Variants in ANKMY1 observed in about 807,000 individuals in gnomAD.
The protein encoded by ANKMY1 is ankyrin repeat and MYND domain-containing protein 1.
In ANKMY1, 98 loss-of-function variants were observed where a neutral mutation model predicts 102.0. The ratio of observed to expected loss-of-function variants is 0.96; its 90% CI spans 0.82 to 1.14. The LOEUF (loss-of-function observed/expected upper bound fraction) is 1.14, where lower values mean the gene tolerates loss of function less well. Ranked by LOEUF, ANKMY1 falls within the 50% of genes most tolerant of loss-of-function variation. The pLI, the probability that ANKMY1 is intolerant of heterozygous loss-of-function variation, is 0.00. For synonymous variants in ANKMY1, 582 were observed against 559.9 expected (o/e 1.04, Z -0.56); for missense variants, 1,330 against 1,347.6 (o/e 0.99, Z 0.20).
At chr2:240,494,759 G>A (rs2077034635) in intron 15 of ANKMY1, among the ~76,000 whole-genome samples, 1 of 152,066 alleles carries the variant, frequency 6.6e-6, no homozygotes. Context: ...AGGGTCAAGG[G>A]GTTGTCTTGC....
chr2:240,508,268 T>C (rs911529974), intron 12 of ANKMY1, among the ~76,000 whole-genome samples: 1 of 152,252 alleles, frequency 6.6e-6, no homozygotes, highest in Admixed American at 6.5e-5. Context: ...CACAAGCTTC[T>C]GCCCCTCAGA....
At chr2:240,542,967 T>C (rs944346634) in intron 4 of ANKMY1, among the ~76,000 whole-genome samples, 6 of 151,074 alleles carry the variant, frequency 4.0e-5, no homozygotes, top group African/African-American at 1.5e-4. Context: ...TAATTAATAA[T>C]TAGTTAAGTA....
chr2:240,515,778 C>T (rs1030137615), intron 9 of ANKMY1, among the ~76,000 whole-genome samples: 3 of 151,918 alleles, frequency 2.0e-5, no homozygotes, highest in Non-Finnish European at 2.9e-5. Flanking sequence ...AGTGCAGTGG[C>T]GCGATCTCGA....
downstream of ANKMY1, chr2:240,479,365 G>C (rs1188602497): frequency 1.7e-6 from 1 of 574,580 alleles, no homozygotes; most frequent in East Asian, 2.9e-5. Flanking sequence ...GCAGAGGCAG[G>C]CACGGGCTCC....
intron 4 of ANKMY1, among the ~76,000 whole-genome samples, chr2:240,540,438 G>A (rs1186155081): frequency 6.6e-6 from 1 of 152,098 alleles, no homozygotes; most frequent in Non-Finnish European, 1.5e-5. Context: ...TTTGTTTTAT[G>A]TGCTTCTTTC....
the ANKMY1 span, among the ~76,000 whole-genome samples, chr2:240,473,073 G>A: frequency 1.4e-5 from 2 of 144,748 alleles, no homozygotes; most frequent in Non-Finnish European, 3.0e-5. Context: ...GCAGTGAGCT[G>A]AGATTGTGCC....
At position 240,523,863 on chromosome 2, in the gene ANKMY1, A is replaced by C. The variant is rs2082813296; in HGVS notation, c.1832+22T>G. ...GCCCTGATGGTGGCCCTCCACCCCC[A>C]CCAGCTGGTGCCAGGACCTACTCGA... On this transcript the variant is annotated intron_variant, in intron 8 of 17. Coordinates refer to ENST00000401804, the MANE Select transcript of ANKMY1 (RefSeq NM_001282771.3). 5 of 1,603,328 alleles carry C rather than the reference A, an allele frequency of 3.1e-6. No homozygotes were observed. In the East Asian group the frequency reaches 1.1e-4, roughly 36 times the overall value.
chr2:240,482,282 C>T (rs2075495081), intron 15 of ANKMY1, 21 bp from the exon 16 acceptor site: 4 of 1,601,076 alleles, frequency 2.5e-6, no homozygotes, highest in Non-Finnish European at 3.4e-6. Flanking sequence ...GAGGGTCCCG[C>T]ATTAGTACCC....
At position 240,509,409 on chromosome 2, in the gene ANKMY1, G is replaced by C; in HGVS notation, c.2333C>G (p.Pro778Arg). The C allele has an allele frequency of 6.2e-7, 1 of 1,613,830 alleles. No individual in the cohort carries two copies. Among genetic ancestry groups the C allele is most frequent in the African/African-American group, 1.3e-5 (1 of 75,016 alleles). ...VRLLLSHGAN[P>R]NLLWSGHSPL... Reference sequence around the variant, plus strand: ...GGAGTGGCCACTCCACAGCAGGTTAGGATTTGCTCCGTGGGATAGAAGGAG... The same window carrying C: ...GGAGTGGCCACTCCACAGCAGGTTACGATTTGCTCCGTGGGATAGAAGGAG... The change falls in exon 12 of 18, where the codon CCT becomes CGT. Residue 778 changes from proline (P) to arginine (R), a missense_variant. By Grantham distance (103) the Pro-to-Arg change is moderately radical. Coordinates refer to ENST00000401804, the MANE Select transcript of ANKMY1 (RefSeq NM_001282771.3).
chr2:240,533,718 AACACACACACACAC>A (rs34916770), intron 4 of ANKMY1, among the ~76,000 whole-genome samples: 17 of 145,634 alleles, frequency 1.2e-4, no homozygotes, highest in South Asian at 2.2e-4. Context: ...GATTTCAATA[AACACACACACACAC>A]ACACACACAC....
intron 4 of ANKMY1, among the ~76,000 whole-genome samples, chr2:240,532,606 T>TA (rs2152451202): frequency 6.6e-6 from 1 of 152,290 alleles, no homozygotes; most frequent in Non-Finnish European, 1.5e-5. Flanking sequence ...ACTAGATAGA[T>TA]AGACATAGAT....
At position 240,482,397 on chromosome 2, in the gene ANKMY1, G is replaced by C. The variant is rs1036269051; in HGVS notation, c.2807-136C>G. The C allele has an allele frequency of 1.4e-5, 10 of 730,210 alleles. No individual in the cohort carries two copies. In the African/African-American group the frequency reaches 1.8e-4, roughly 13 times the overall value. The allele number at this position is 730,210 out of a possible 1,614,324, so 45.2% of individuals were successfully genotyped here. ...GGCGGATAGGGGGAAGCAAGCCTTT[G>C]ATGGCTCCATAGTGGGTGCGAGGAC... On this transcript the variant is annotated intron_variant, in intron 15 of 17. Coordinates refer to ENST00000401804, the MANE Select transcript of ANKMY1 (RefSeq NM_001282771.3).
chr2:240,537,053 A>G (rs1005043941), intron 4 of ANKMY1, among the ~76,000 whole-genome samples: 8 of 152,134 alleles, frequency 5.3e-5, no homozygotes, highest in Non-Finnish European at 7.3e-5. Flanking sequence ...AAAAAGAAAA[A>G]AAGAAGAAAA....
At chr2:240,525,065 A>AACTGCAAGCCACAAGATCACCACACC (rs1377737725) in intron 7 of ANKMY1, among the ~76,000 whole-genome samples, 1 of 152,254 alleles carries the variant, frequency 6.6e-6, no homozygotes, top group Non-Finnish European at 1.5e-5. Context: ...AGCACCAGAC[A>AACTGCAAGCCACAAGATCACCACACC]ACTGCAAGCC....
At chr2:240,491,840 T>C (rs1032862263) in intron 15 of ANKMY1, among the ~76,000 whole-genome samples, 2 of 152,342 alleles carry the variant, frequency 1.3e-5, no homozygotes, top group African/African-American at 4.8e-5. Context: ...CTTTTAAGAT[T>C]TTCTCTTTGA....
At chr2:240,557,039 C>T (rs2125264903) in intron 2 of ANKMY1, 151 bp downstream of exon 2, 1 of 879,126 alleles carries the variant, frequency 1.1e-6, no homozygotes, top group Non-Finnish European at 1.6e-6. Context: ...AGGTTGCTGA[C>T]ACAGTGTTGA....
upstream of ANKMY1, chr2:240,560,274 A>C (rs2125394535): frequency 6.1e-6 from 1 of 162,704 alleles, no homozygotes; most frequent in Non-Finnish European, 1.3e-5. Flanking sequence ...AACGACGCGG[A>C]CGCGAAGTGG....
At chr2:240,470,970 G>T in the ANKMY1 span, among the ~76,000 whole-genome samples, 1,347 of 152,276 alleles carry the variant, frequency 8.8e-3, 5 homozygotes, top group Non-Finnish European at 0.014. Flanking sequence ...AGAAGCTTGG[G>T]GTGAGGGGTA....
chr2:240,550,686 T>G (rs2091356752), intron 4 of ANKMY1, among the ~76,000 whole-genome samples: 1 of 152,158 alleles, frequency 6.6e-6, no homozygotes, highest in African/African-American at 2.4e-5. Flanking sequence ...TATTTAACTT[T>G]CTTTGGGTTT....
Sources: gnomAD v4.1 joint callset for allele counts (sites outside exome capture counted in the v4.1 genomes callset) on GRCh38, gnomAD v4.1.1 for gene constraint, MANE v1.5 for transcripts, NCBI Gene and HGNC (gene_info 2026-07-23, HGNC 2026-07-21) for gene names.